The following MROH2A variants were observed in gnomAD, a reference collection of about 807,000 sequenced individuals.
The protein encoded by MROH2A is maestro heat-like repeat-containing protein family member 2A.
MROH2A carries 174 observed loss-of-function variants against 200.4 expected under a neutral mutation model. That is an observed-to-expected ratio of 0.87 (90% CI 0.77 to 0.98). The LOEUF (loss-of-function observed/expected upper bound fraction) is 0.98, where lower values mean the gene tolerates loss of function less well. Ranked by LOEUF, MROH2A falls within the 50% of genes least tolerant of loss-of-function variation. The pLI is 0.00. For synonymous variants in MROH2A, 829 were observed against 840.4 expected, an observed-to-expected ratio of 0.99 and a Z score of 0.23; for missense variants, 2,045 against 2,139.6, an observed-to-expected ratio of 0.96 and a Z score of 0.87.
At position 233,812,089 on chromosome 2, in the gene MROH2A, G is replaced by A. The variant is rs534687998; in HGVS notation, c.2651+130G>A. Reference sequence around the variant, plus strand: ...CTCTGTAGCAGGGGTCTCACTTGGAGGCTCCCCAGGGCAATGGGCCAGCCT... The same window carrying A: ...CTCTGTAGCAGGGGTCTCACTTGGAAGCTCCCCAGGGCAATGGGCCAGCCT... On this transcript the variant is annotated intron_variant, in intron 24 of 41. Coordinates refer to ENST00000389758, the MANE Select transcript of MROH2A (RefSeq NM_001394639.1). 1,279 of 637,412 alleles carry A rather than the reference G, an allele frequency of 2.0e-3. 14 individuals are homozygous for A. The highest frequency in any genetic ancestry group is 0.02 in the African/African-American group (1,086 of 55,328). The allele number at this position is 637,412 out of a possible 1,614,324, so 39.5% of individuals were successfully genotyped here.
At chr2:233,792,125 C>T (rs1559444259) in intron 5 of MROH2A, among the ~76,000 whole-genome samples, 2 of 152,104 alleles carry the variant, frequency 1.3e-5, no homozygotes, top group African/African-American at 4.8e-5. Context: ...GGAGGCTGGC[C>T]TGTGTCCGGG....
chr2:233,802,240 AGCCTCACAAACCTG>A lies in MROH2A; in HGVS notation c.1636_1649del (p.Leu546ArgfsTer84), dbSNP rs1285318615. 6.4e-7 allele frequency: 1 copy of A among 1,550,422 alleles called. No homozygotes were observed. The highest frequency in any genetic ancestry group is 2.4e-5 in the East Asian group (1 of 40,908). On this transcript the variant is annotated frameshift_variant, in exon 15 of 42. Coordinates refer to ENST00000389758, the MANE Select transcript of MROH2A (RefSeq NM_001394639.1). LOFTEE classifies it high-confidence loss of function. ...GGAAGCTTTGACTCCTATCTGTATC[AGCCTCACAAACCTG>A]GCAGAACACCAGCTCCATGGCCAGG...
At position 233,796,242 on chromosome 2, in the gene MROH2A, A is replaced by T; in HGVS notation, c.1181A>T (p.Gln394Leu). ...GAGCTGATGAAGTTCTTCTTCAGCC[A>T]GATGGAGACAAACAAGGAGGCCGTC... ...PKELMKFFFSQMETNKEAVRV... is the reference protein window; with the variant it reads ...PKELMKFFFSLMETNKEAVRV... Residue 394 changes from glutamine (Q) to leucine (L), a missense_variant, in exon 11 of 42, where the codon CAG becomes CTG. By Grantham distance (113) the Gln-to-Leu change is moderately radical. Around this residue, in one of 3 missense-constraint regions of MROH2A, gnomAD observed 831 missense variants for 800.0 expected, o/e 1.04. Coordinates refer to ENST00000389758, the MANE Select transcript of MROH2A (RefSeq NM_001394639.1). The T allele has an allele frequency of 6.5e-7, 1 of 1,535,614 alleles. No homozygotes were observed. The highest frequency in any genetic ancestry group is 8.8e-7 in the Non-Finnish European group (1 of 1,137,744).
intron 17 of MROH2A, 87 bp downstream of exon 17, chr2:233,804,279 G>C: frequency 1.3e-6 from 2 of 1,503,688 alleles, no homozygotes; most frequent in Non-Finnish European, 1.8e-6. Context: ...AATAACGAGA[G>C]CTGAGGCTCA....
At chr2:233,818,564 G>T (rs1703708493) in intron 28 of MROH2A, 88 bp from the exon 29 acceptor site, 3 of 832,650 alleles carry the variant, frequency 3.6e-6, no homozygotes, top group Non-Finnish European at 6.1e-6. Context: ...GCTCAGGCCT[G>T]CAAAGCCAGG....
intron 14 of MROH2A, 27 bp downstream of exon 14, chr2:233,800,342 A>C (rs998865127): frequency 7.3e-7 from 1 of 1,372,652 alleles, no homozygotes; most frequent in Non-Finnish European, 1.0e-6. Context: ...CCACCCGCAC[A>C]GTGGGTCACC....
intron 18 of MROH2A, among the ~76,000 whole-genome samples, 191 bp downstream of exon 18, chr2:233,804,738 C>A (rs1702683394): frequency 6.6e-6 from 1 of 152,154 alleles, no homozygotes; most frequent in African/African-American, 2.4e-5. Flanking sequence ...CTGAGAGAAC[C>A]TTCCATCCCG....
chr2:233,788,867 A>T (rs1490927899), intron 3 of MROH2A, among the ~76,000 whole-genome samples: 3 of 130,220 alleles, frequency 2.3e-5, no homozygotes, highest in Non-Finnish European at 4.7e-5. Flanking sequence ...TGAACCCGGG[A>T]GGCAGAGCTT....
Position 233,820,132 on chromosome 2 carries a change from C to A in MROH2A, c.3512+76C>A. 2 of 1,343,732 alleles carry A rather than the reference C, an allele frequency of 1.5e-6. No individual in the cohort carries two copies. Among genetic ancestry groups the A allele is most frequent in the South Asian group, 1.6e-5 (1 of 62,780 alleles). 83.2% of individuals were successfully genotyped at this position (1,343,732 alleles called of 1,614,324 possible). A position where few individuals can be genotyped will look rare whatever the true frequency, so the allele number is the denominator to read the frequency against. On this transcript the variant is annotated intron_variant, in intron 31 of 41. Coordinates refer to ENST00000389758, the MANE Select transcript of MROH2A (RefSeq NM_001394639.1). The surrounding 1 kb of genome is among the most constrained non-coding windows in gnomAD (Gnocchi z 4.1). ...CCCAACTCACCACCCCGATGTGTCC[C>A]AGAAGCCTGGAGCCTTGGGCAGTAC...
chr2:233,776,354 C>CTTTT (rs10568441), upstream of MROH2A, among the ~76,000 whole-genome samples: 1 of 111,342 alleles, frequency 9.0e-6, no homozygotes, highest in Non-Finnish European at 1.9e-5. Context: ...AATGTATTTA[C>CTTTT]TTTTTTTTTT....
intron 22 of MROH2A, among the ~76,000 whole-genome samples, chr2:233,809,571 C>T (rs1038482223): frequency 6.6e-6 from 1 of 152,150 alleles, no homozygotes; most frequent in African/African-American, 2.4e-5. Context: ...TCCCTCTGCC[C>T]TTGCCTCTGG....
At position 233,797,354 on chromosome 2, in the gene MROH2A, G is replaced by T. The variant is rs138525302; in HGVS notation, c.1252+1041G>T. Among the ~76,000 whole-genome samples the T allele has an allele frequency of 1.0e-3, 154 of 152,318 alleles. 1 individual carries two copies. Among genetic ancestry groups the T allele is most frequent in the African/African-American group, 3.6e-3 (151 of 41,566 alleles). On this transcript the variant is annotated intron_variant, in intron 11 of 41. Transcript: ENST00000389758. ...TTCCCAAAAGTAATTGGACAAAGGT[G>T]CTCATTAAAACATTGTATTAAAAGC...
chr2:233,828,860 G>A lies in MROH2A; in HGVS notation c.4264-30G>A. ...CCCTGGTCAGCCTGGGAGGGAGGGTGCAGGCTGAGGGCTGCCCATGCCCCT... is the reference window on the plus strand; with the variant it reads ...CCCTGGTCAGCCTGGGAGGGAGGGTACAGGCTGAGGGCTGCCCATGCCCCT... On this transcript the variant is annotated intron_variant, in intron 36 of 41. Coordinates refer to ENST00000389758, the MANE Select transcript of MROH2A (RefSeq NM_001394639.1). The surrounding 1 kb of genome is among the most constrained non-coding windows in gnomAD (Gnocchi z 4.6). 1.3e-6 allele frequency: 2 copies of A among 1,550,146 alleles called. No homozygotes were observed. The highest frequency in any genetic ancestry group is 1.7e-6 in the Non-Finnish European group (2 of 1,146,786).
Position 233,789,885 on chromosome 2 carries a change from G to A in MROH2A, c.442G>A (p.Asp148Asn), listed in dbSNP as rs754663897. The A allele has an allele frequency of 1.9e-6, 3 of 1,550,226 alleles. No homozygotes were observed. Among genetic ancestry groups the A allele is most frequent in the Non-Finnish European group, 1.7e-6 (2 of 1,146,884 alleles). ...CTATATGAAGGCAGAGGTGGCCAGC[G>A]ACACACTGGTGGCTCTGTCCCGAAA... is the stretch of plus-strand genomic sequence containing the variant. ...EGYMKAEVASDTLVALSRNHF... is the reference protein window; with the variant it reads ...EGYMKAEVASNTLVALSRNHF... Residue 148 changes from aspartate (D) to asparagine (N), a missense_variant, in exon 5 of 42, where the codon GAC becomes AAC. Asp to Asn is a conservative substitution (Grantham distance 23). Around this residue, in one of 3 missense-constraint regions of MROH2A, gnomAD observed 831 missense variants for 800.0 expected, o/e 1.04. Transcript: ENST00000389758.
rs756092503 is a variant in MROH2A at position 233,822,512 on chromosome 2, G to T, written c.3822G>T (p.Lys1274Asn). 8 of 1,550,602 alleles carry T rather than the reference G, an allele frequency of 5.2e-6. No individual in the cohort carries two copies. The South Asian group carries it at 8.3e-5, about 16-fold the overall frequency. ...CCCCGCCGGTCTTGAAGATGTGGAAGCTGGTCCACACCACTCCTCTGCCGG... is the reference window on the plus strand; with the variant it reads ...CCCCGCCGGTCTTGAAGATGTGGAATCTGGTCCACACCACTCCTCTGCCGG... ...EAAPPVLKMW[K>N]LVHTTPLPEE... is the part of the protein sequence containing the mutation. The change falls in exon 33 of 42, where the codon AAG becomes AAT. Residue 1274 changes from lysine (K) to asparagine (N), a missense_variant. By Grantham distance (94) the Lys-to-Asn change is moderately conservative. This residue lies in a region of MROH2A where 1,201 missense variants were observed against 1,311.3 expected (regional missense o/e 0.92). Coordinates refer to ENST00000389758, the MANE Select transcript of MROH2A (RefSeq NM_001394639.1).
chr2:233,789,555 AG>A lies in MROH2A; in HGVS notation c.340del (p.Glu114SerfsTer18), dbSNP rs1701591269. On this transcript the variant is annotated frameshift_variant, in exon 4 of 42. Coordinates refer to ENST00000389758, the MANE Select transcript of MROH2A (RefSeq NM_001394639.1). LOFTEE classifies it high-confidence loss of function. ...ATCCTCCAGGACATCATCCAGCAGG[AG>A]GGGGAGCTGGAGGAGCAGTGCGTGC... Reference protein sequence around the residue: ...YNILQDIIQQEGELEEQCVQR... With the variant: ...YNILQDIIQQXGELEEQCVQR... The A allele has an allele frequency of 4.7e-6, 7 of 1,491,486 alleles. No individual in the cohort carries two copies. The highest frequency in any genetic ancestry group is 2.8e-5 in the African/African-American group (2 of 71,098). The allele number at this position is 1,491,486 out of a possible 1,614,324, so 92.4% of individuals were successfully genotyped here.
Position 233,820,596 on chromosome 2 carries a change from T to C in MROH2A, c.3512+540T>C, listed in dbSNP as rs750595685. ...GACAGTGCAGAGCTCCTGTGTGTGC[T>C]ACAGCATGATGGCACAGGCAGCTGG... On this transcript the variant is annotated intron_variant, in intron 31 of 41. Transcript: ENST00000389758. The surrounding 1 kb of genome is among the most constrained non-coding windows in gnomAD (Gnocchi z 4.1). Among the ~76,000 whole-genome samples the C allele has an allele frequency of 1.3e-4, 20 of 152,046 alleles. No homozygotes were observed. The highest frequency in any genetic ancestry group is 2.0e-4 in the Admixed American group (3 of 15,278).
At chr2:233,797,699 G>T (rs1357847415) in intron 11 of MROH2A, among the ~76,000 whole-genome samples, 2 of 151,964 alleles carry the variant, frequency 1.3e-5, no homozygotes, top group Non-Finnish European at 2.9e-5. Context: ...TTCATTCAGG[G>T]AAATTAGTAT....
intron 32 of MROH2A, 25 bp from the exon 33 acceptor site, chr2:233,822,338 G>A (rs746617062): frequency 1.5e-5 from 24 of 1,548,652 alleles, no homozygotes; most frequent in African/African-American, 4.1e-5. Flanking sequence ...GTAGGAGCCC[G>A]ATGCCCTGGA....
Sources: gnomAD v4.1 joint callset for allele counts (sites outside exome capture counted in the v4.1 genomes callset) on GRCh38, gnomAD v4.1.1 for gene constraint, gnomAD v4.1.1 regional missense constraint, Gnocchi (gnomAD v3.1) non-coding constraint, MANE v1.5 for transcripts, NCBI Gene and HGNC (gene_info 2026-07-23, HGNC 2026-07-21) for gene names.